NT5DC1: variants seen among roughly 807,000 people sequenced by gnomAD.
NT5DC1 encodes the protein 5'-nucleotidase domain containing 1, also known as 5'-nucleotidase domain-containing protein 1.
A neutral mutation model predicts 59.4 loss-of-function variants in NT5DC1; 42 were observed. That is an observed-to-expected ratio of 0.71 (90% confidence interval 0.55 to 0.92). The LOEUF (loss-of-function observed/expected upper bound fraction) is 0.92, where lower values mean the gene tolerates loss of function less well. Ranked by LOEUF, NT5DC1 falls within the 40% of genes least tolerant of loss-of-function variation. NT5DC1 has a pLI of 0.00. For synonymous variants in NT5DC1, 172 were observed against 188.1 expected, an observed-to-expected ratio of 0.91 and a Z score of 0.70; for missense variants, 501 against 537.1, an observed-to-expected ratio of 0.93 and a Z score of 0.66.
At chr6:116,145,192 T>A (rs1366976050) in intron 6 of NT5DC1, among the ~76,000 whole-genome samples, 1 of 152,272 alleles carries the variant, frequency 6.6e-6, no homozygotes, top group African/African-American at 2.4e-5. Flanking sequence ...TGGACAGTTG[T>A]CCTCAACAGA....
chr6:116,228,818 C>G (rs1177477171), intron 8 of NT5DC1, among the ~76,000 whole-genome samples: 1 of 152,160 alleles, frequency 6.6e-6, no homozygotes, highest in African/African-American at 2.4e-5. Flanking sequence ...TGCTTTACCT[C>G]CATTTCTGCT....
At position 116,248,988 on chromosome 6, in the gene NT5DC1, T is replaced by TA. The variant is rs561713547; in HGVS notation, c.*4967dup. 7.8e-4 allele frequency: 118 copies of TA among 152,234 alleles called. No homozygotes were observed. The highest frequency in any genetic ancestry group is 1.4e-3 in the Non-Finnish European group (96 of 67,998). The allele number at this position is 152,234 out of a possible 1,614,324, so 9.4% of individuals were successfully genotyped here. On this transcript the variant is annotated 3_prime_UTR_variant, in exon 12 of 12. Transcript: ENST00000319550. ...CTATTGGTTAGACTAAAGCAGATAATAAACCAAGTGTAGGAAAAATGACAT... is the reference window on the plus strand; with the variant it reads ...CTATTGGTTAGACTAAAGCAGATAATAAAACCAAGTGTAGGAAAAATGACAT...
At chr6:116,141,928 T>C (rs960206693) in intron 6 of NT5DC1, among the ~76,000 whole-genome samples, 1 of 119,308 alleles carries the variant, frequency 8.4e-6, no homozygotes, top group African/African-American at 4.1e-5. Context: ...ACACACACAC[T>C]GTAAATGTGA....
At chr6:116,124,521 T>C (rs1481034297) in intron 6 of NT5DC1, among the ~76,000 whole-genome samples, 2 of 152,196 alleles carry the variant, frequency 1.3e-5, no homozygotes, top group Admixed American at 1.3e-4. Flanking sequence ...AGTTAACTTA[T>C]TGAAGGCTAT....
intron 6 of NT5DC1, among the ~76,000 whole-genome samples, chr6:116,167,124 A>G (rs1021634443): frequency 3.1e-4 from 47 of 151,606 alleles, no homozygotes; most frequent in Admixed American, 9.9e-4. Flanking sequence ...GATGATTTGT[A>G]TATGTTCAAC....
intron 6 of NT5DC1, among the ~76,000 whole-genome samples, chr6:116,156,390 A>G (rs1780194273): frequency 6.6e-6 from 1 of 152,134 alleles, no homozygotes; most frequent in Non-Finnish European, 1.5e-5. Flanking sequence ...AATACTATGT[A>G]GGCACTTTGA....
At chr6:116,134,324 AC>A (rs1451949812) in intron 6 of NT5DC1, among the ~76,000 whole-genome samples, 1 of 152,198 alleles carries the variant, frequency 6.6e-6, no homozygotes, top group Non-Finnish European at 1.5e-5. Flanking sequence ...AACGCCAGAC[AC>A]CAAAGCCTCT....
intron 8 of NT5DC1, among the ~76,000 whole-genome samples, chr6:116,229,585 C>A (rs1781974364): frequency 6.6e-6 from 1 of 152,146 alleles, no homozygotes; most frequent in African/African-American, 2.4e-5. Flanking sequence ...AATCTTCATC[C>A]TCTGTTCTCT....
intron 6 of NT5DC1, among the ~76,000 whole-genome samples, chr6:116,214,117 G>T (rs1313284479): frequency 6.6e-6 from 1 of 152,002 alleles, no homozygotes; most frequent in Non-Finnish European, 1.5e-5. Context: ...GATACTGTAA[G>T]TGGCAAACCA....
chr6:116,190,741 A>T (rs1161484114), intron 6 of NT5DC1, among the ~76,000 whole-genome samples: 3 of 152,008 alleles, frequency 2.0e-5, no homozygotes, highest in Non-Finnish European at 4.4e-5. Context: ...CTGAACTGTG[A>T]GAGTCATGTG....
intron 6 of NT5DC1, among the ~76,000 whole-genome samples, chr6:116,150,070 G>A (rs2114393611): frequency 6.6e-6 from 1 of 152,238 alleles, no homozygotes; most frequent in Non-Finnish European, 1.5e-5. Context: ...TTAGAGAATA[G>A]GAGTTAGATC....
chr6:116,165,757 G>C (rs911858878), intron 6 of NT5DC1, among the ~76,000 whole-genome samples: 2 of 152,214 alleles, frequency 1.3e-5, no homozygotes, highest in African/African-American at 4.8e-5. Flanking sequence ...CCTGTGCTTA[G>C]GGCTGAATGT....
rs1771877003 is a variant in NT5DC1 at position 116,247,762 on chromosome 6, A to C, written c.*3738A>C. 6.6e-6 allele frequency: 1 copy of C among 152,226 alleles called. No homozygotes were observed. The highest frequency in any genetic ancestry group is 1.5e-5 in the Non-Finnish European group (1 of 68,034). 9.4% of individuals were successfully genotyped at this position (152,226 alleles called of 1,614,324 possible). A position where few individuals can be genotyped will look rare whatever the true frequency, so the allele number is the denominator to read the frequency against. ...GTTTAATAAAGAAAAGGAATAAATT[A>C]CTATCTAAATGTGTTAAAAGCAATC... On this transcript the variant is annotated 3_prime_UTR_variant, in exon 12 of 12. Coordinates refer to ENST00000319550, the MANE Select transcript of NT5DC1 (RefSeq NM_152729.3).
At chr6:116,110,128 A>G (rs1401168822) in intron 3 of NT5DC1, among the ~76,000 whole-genome samples, 1 of 152,214 alleles carries the variant, frequency 6.6e-6, no homozygotes, top group African/African-American at 2.4e-5. Context: ...TGCCCTTAGT[A>G]TTTTTCAACC....
chr6:116,202,057 T>C (rs1781360402), intron 6 of NT5DC1, among the ~76,000 whole-genome samples: 1 of 151,996 alleles, frequency 6.6e-6, no homozygotes, highest in South Asian at 2.1e-4. Context: ...TAACCACATG[T>C]GGCTACCGAG....
intron 6 of NT5DC1, among the ~76,000 whole-genome samples, chr6:116,175,659 A>AC (rs1398525663): frequency 3.9e-5 from 6 of 152,160 alleles, no homozygotes; most frequent in African/African-American, 1.2e-4. Flanking sequence ...TCTATTGACT[A>AC]CTGTTCAAGT....
intron 6 of NT5DC1, among the ~76,000 whole-genome samples, chr6:116,153,997 G>C (rs1405929489): frequency 1.3e-5 from 2 of 150,218 alleles, no homozygotes; most frequent in Admixed American, 6.6e-5. Flanking sequence ...TTTGAAAATA[G>C]AATGTACAAT....
chr6:116,141,998 T>A (rs1473220448), intron 6 of NT5DC1, among the ~76,000 whole-genome samples: 1 of 151,908 alleles, frequency 6.6e-6, no homozygotes, highest in Non-Finnish European at 1.5e-5. Flanking sequence ...TTGACAAAGT[T>A]ACTTAGATGA....
At chr6:116,170,330 G>A (rs1308650621) in intron 6 of NT5DC1, among the ~76,000 whole-genome samples, 1 of 151,972 alleles carries the variant, frequency 6.6e-6, no homozygotes, top group Non-Finnish European at 1.5e-5. Flanking sequence ...CAAAAGAAAG[G>A]GTTCATAGAG....
Sources: gnomAD v4.1 joint callset for allele counts (sites outside exome capture counted in the v4.1 genomes callset) on GRCh38, gnomAD v4.1.1 for gene constraint, MANE v1.5 for transcripts, NCBI Gene and HGNC (gene_info 2026-07-23, HGNC 2026-07-21) for gene names.